The following AUTS2 variants were observed in gnomAD, a reference collection of about 807,000 sequenced individuals.
The protein encoded by AUTS2 is activator of transcription and developmental regulator AUTS2.
AUTS2 carries 17 observed loss-of-function variants against 112.4 expected under a neutral mutation model. The observed-to-expected ratio is 0.15, with a 90% CI of 0.10 to 0.23. The LOEUF (loss-of-function observed/expected upper bound fraction) is 0.23, where lower values mean the gene tolerates loss of function less well. Among genes scored for constraint, AUTS2 ranks in the 10% least tolerant of loss-of-function variants. AUTS2 has a pLI of 1.00. For synonymous variants in AUTS2, 751 were observed against 702.7 expected, an observed-to-expected ratio of 1.07 and a Z score of -1.09; for missense variants, 1,510 against 1,701.6, an observed-to-expected ratio of 0.89 and a Z score of 1.98.
chr7:70,216,679 G>A (rs1162445857), intron 4 of AUTS2, among the ~76,000 whole-genome samples: 1 of 152,148 alleles, frequency 6.6e-6, no homozygotes, highest in Admixed American at 6.5e-5. Flanking sequence ...TAACTTTGAG[G>A]TATACATTCT....
intron 4 of AUTS2, among the ~76,000 whole-genome samples, chr7:70,370,864 A>G (rs1326331747): frequency 1.3e-5 from 2 of 151,412 alleles, no homozygotes; most frequent in African/African-American, 4.9e-5. Flanking sequence ...TATAGCCATT[A>G]TTCTAGTGGG....
intron 4 of AUTS2, among the ~76,000 whole-genome samples, chr7:70,259,588 G>A (rs1454185754): frequency 6.6e-6 from 1 of 152,204 alleles, no homozygotes; most frequent in Non-Finnish European, 1.5e-5. Flanking sequence ...GGGCCACGGT[G>A]CTTATGCCAA....
chr7:69,939,470 C>T lies in AUTS2; in HGVS notation c.522+39972C>T, dbSNP rs113097377. On this transcript the variant is annotated intron_variant, in intron 2 of 18. Coordinates refer to ENST00000342771, the MANE Select transcript of AUTS2 (RefSeq NM_015570.4). ...AGTCTTGCTGCAGGAGCTGGGGTAG[C>T]TTCAGCCCACTTACATCCTGCCAGG... Among the ~76,000 whole-genome samples the T allele has an allele frequency of 1.7e-3, 255 of 152,268 alleles. 6 individuals are homozygous for T. Among genetic ancestry groups the T allele is most frequent in the African/African-American group, 5.8e-3 (240 of 41,542 alleles).
rs1325113654 is a variant in AUTS2, at chr7:69,897,601, C to CA, written c.310-1677dup. On this transcript the variant is annotated intron_variant, in intron 1 of 18. Coordinates refer to ENST00000342771, the MANE Select transcript of AUTS2 (RefSeq NM_015570.4). ...CTAAAAATACAAAAAAAAAAAAAAA[C>CA]AAAAAAAATGGCTGGGTATGGTGGC... 6.2e-5 allele frequency among the ~76,000 whole-genome samples: 9 copies of CA among 144,526 alleles called. No individual in the cohort carries two copies. The South Asian group carries it at 1.8e-3, about 28-fold the overall frequency. The allele number at this position is 144,526 out of a possible 152,430, so 94.8% of individuals were successfully genotyped here.
At chr7:69,609,851 A>G (rs1192673108) in intron 1 of AUTS2, among the ~76,000 whole-genome samples, 1 of 152,276 alleles carries the variant, frequency 6.6e-6, no homozygotes, top group Non-Finnish European at 1.5e-5. Context: ...AGCCATTCAT[A>G]TAATGAAAAG....
In AUTS2 at chr7:70,775,395, G is replaced by T; in HGVS notation, c.1932+9G>T. 6.2e-7 allele frequency: 1 copy of T among 1,610,960 alleles called. No homozygotes were observed. Among genetic ancestry groups the T allele is most frequent in the African/African-American group, 1.3e-5 (1 of 74,922 alleles). ...TCAGACCTATGTTAAGGGTAAGAAA[G>T]CTTCTTATAGAACTGTTTTGCAACC... On this transcript the variant is annotated intron_variant, in intron 13 of 18. Coordinates refer to ENST00000342771, the MANE Select transcript of AUTS2 (RefSeq NM_015570.4).
chr7:70,723,069 G>A (rs553233017), intron 6 of AUTS2, among the ~76,000 whole-genome samples: 3 of 152,254 alleles, frequency 2.0e-5, no homozygotes, highest in East Asian at 3.9e-4. Context: ...GTGACGAGTC[G>A]GGGATAGGAG....
chr7:70,043,543 CCCTCCCTT>C lies in AUTS2; in HGVS notation c.523-74585_523-74578del, dbSNP rs1181171295. Among the ~76,000 whole-genome samples, 10 of 132,592 alleles carry C rather than the reference CCCTCCCTT, an allele frequency of 7.5e-5. No individual in the cohort carries two copies. In the East Asian group the frequency reaches 1.7e-3, roughly 22 times the overall value. 87.0% of individuals were successfully genotyped at this position (132,592 alleles called of 152,430 possible). A position where few individuals can be genotyped will look rare whatever the true frequency, so the allele number is the denominator to read the frequency against. On this transcript the variant is annotated intron_variant, in intron 2 of 18. Coordinates refer to ENST00000342771, the MANE Select transcript of AUTS2 (RefSeq NM_015570.4). ...TCTCTCCCTCCCTCCTTGCCTCCTT[CCCTCCCTT>C]CCTTCCTTCCTTCCTTCCTTCCTTC...
At chr7:69,944,358 G>A (rs535925790) in intron 2 of AUTS2, among the ~76,000 whole-genome samples, 16 of 152,316 alleles carry the variant, frequency 1.1e-4, no homozygotes, top group African/African-American at 3.4e-4. Flanking sequence ...AGGGGGCAGC[G>A]TTTTTAGATG....
At chr7:69,603,096 G>A (rs1051808541) in intron 1 of AUTS2, among the ~76,000 whole-genome samples, 2 of 152,114 alleles carry the variant, frequency 1.3e-5, no homozygotes, top group East Asian at 1.9e-4. Context: ...GTATGTTTTC[G>A]GGCCTTGTGT....
intron 1 of AUTS2, among the ~76,000 whole-genome samples, chr7:69,800,610 G>A (rs1477707032): frequency 1.3e-5 from 2 of 152,210 alleles, no homozygotes; most frequent in Non-Finnish European, 1.5e-5. Flanking sequence ...TTGGCTTTCA[G>A]AAAGTGTCTG....
At chr7:69,817,567 G>A (rs3800979) in intron 1 of AUTS2, among the ~76,000 whole-genome samples, 15,151 of 152,190 alleles carry the variant, frequency 0.1, 1,206 homozygotes, top group African/African-American at 0.22. Flanking sequence ...GAGCACCACA[G>A]GATATCATAT....
At chr7:70,210,793 C>T (rs182796712) in intron 4 of AUTS2, among the ~76,000 whole-genome samples, 4 of 152,326 alleles carry the variant, frequency 2.6e-5, no homozygotes, top group African/African-American at 4.8e-5. Context: ...TGGTTGGGCT[C>T]CTTGAGAACC....
At chr7:69,731,258 C>T (rs1562843809) in intron 1 of AUTS2, among the ~76,000 whole-genome samples, 1 of 152,134 alleles carries the variant, frequency 6.6e-6, no homozygotes, top group Non-Finnish European at 1.5e-5. Flanking sequence ...TGACACTGCA[C>T]TCTAGCCTGG....
chr7:69,901,931 C>T (rs980515650), intron 2 of AUTS2, among the ~76,000 whole-genome samples: 3 of 152,078 alleles, frequency 2.0e-5, no homozygotes, highest in Non-Finnish European at 2.9e-5. Context: ...CCCTCTGGGT[C>T]CCATAGTTTT....
At chr7:70,780,852 T>C (rs1328943416) in intron 14 of AUTS2, among the ~76,000 whole-genome samples, 1 of 152,236 alleles carries the variant, frequency 6.6e-6, no homozygotes, top group Non-Finnish European at 1.5e-5. Context: ...ACTAATGTAC[T>C]GTGAGCTATT....
chr7:70,520,074 A>C (rs778988774), intron 5 of AUTS2, among the ~76,000 whole-genome samples: 2 of 152,058 alleles, frequency 1.3e-5, no homozygotes, highest in Non-Finnish European at 2.9e-5. Context: ...TCATTTTCTT[A>C]ATGGTGCCTT....
chr7:70,339,157 C>T (rs1348574434), intron 4 of AUTS2, among the ~76,000 whole-genome samples: 2 of 152,124 alleles, frequency 1.3e-5, no homozygotes, highest in Non-Finnish European at 2.9e-5. Flanking sequence ...GCCACCGCGC[C>T]CGGCCTGGCC....
At chr7:70,596,082 G>T (rs2129529168) in intron 5 of AUTS2, 1 of 152,508 alleles carries the variant, frequency 6.6e-6, no homozygotes, top group Admixed American at 6.5e-5. Flanking sequence ...CCCCACCGTG[G>T]GTGTCTTTGC....
Sources: gnomAD v4.1 joint callset for allele counts (sites outside exome capture counted in the v4.1 genomes callset) on GRCh38, gnomAD v4.1.1 for gene constraint, MANE v1.5 for transcripts, NCBI Gene and HGNC (gene_info 2026-07-23, HGNC 2026-07-21) for gene names.